The following PHKB variants were observed in gnomAD, a reference collection of about 807,000 sequenced individuals.
The protein encoded by PHKB is phosphorylase b kinase regulatory subunit beta.
A neutral mutation model predicts 152.1 loss-of-function variants in PHKB; 122 were observed. That is an observed-to-expected ratio of 0.80 (90% CI 0.69 to 0.93). The LOEUF is 0.93. Ranked by LOEUF, PHKB falls within the 40% of genes least tolerant of loss-of-function variation. The pLI is 0.00. For missense variants in PHKB, 1,304 were observed against 1,328.4 expected (o/e 0.98, Z 0.29); for synonymous variants, 436 against 464.9 (o/e 0.94, Z 0.80).
chr16:47,523,513 C>G (rs1015387460), intron 6 of PHKB, among the ~76,000 whole-genome samples: 1 of 152,194 alleles, frequency 6.6e-6, no homozygotes, highest in South Asian at 2.1e-4. Context: ...CTTGAAAGCT[C>G]TCATAGGAAG....
At chr16:47,630,185 A>G (rs925582473) in intron 14 of PHKB, among the ~76,000 whole-genome samples, 8 of 152,094 alleles carry the variant, frequency 5.3e-5, no homozygotes, top group Non-Finnish European at 8.8e-5. Flanking sequence ...AAAAAAAAGA[A>G]CTAAAGAATT....
At chr16:47,527,094 T>G (rs1420843243) in intron 6 of PHKB, among the ~76,000 whole-genome samples, 1 of 152,090 alleles carries the variant, frequency 6.6e-6, no homozygotes, top group Non-Finnish European at 1.5e-5. Flanking sequence ...GCTAAACCAT[T>G]TATAAGAAAT....
At chr16:47,552,826 C>T (rs1208578212) in intron 7 of PHKB, among the ~76,000 whole-genome samples, 1 of 151,838 alleles carries the variant, frequency 6.6e-6, no homozygotes, top group Non-Finnish European at 1.5e-5. Context: ...CACACACACA[C>T]ACACACCAAA....
At chr16:47,466,571 G>A (rs1159751000) in intron 1 of PHKB, among the ~76,000 whole-genome samples, 1 of 152,114 alleles carries the variant, frequency 6.6e-6, no homozygotes, top group Non-Finnish European at 1.5e-5. Flanking sequence ...GGCTCCCTAA[G>A]TTTATCAGCC....
At chr16:47,464,287 T>C in intron 1 of PHKB, 1 of 406,324 alleles carries the variant, frequency 2.5e-6, no homozygotes, top group Non-Finnish European at 4.5e-6. Flanking sequence ...GCACATAGCA[T>C]ATTTCTTAAA....
intron 1 of PHKB, among the ~76,000 whole-genome samples, chr16:47,466,584 C>G (rs1361777949): frequency 6.6e-6 from 1 of 152,140 alleles, no homozygotes; most frequent in Non-Finnish European, 1.5e-5. Context: ...TATCAGCCAG[C>G]TGGTAAGTGA....
At chr16:47,623,850 G>A (rs187149873) in intron 14 of PHKB, among the ~76,000 whole-genome samples, 1 of 152,152 alleles carries the variant, frequency 6.6e-6, no homozygotes, top group Admixed American at 6.5e-5. Context: ...GAGCCACCTC[G>A]CCCAGCCTGA....
intron 14 of PHKB, among the ~76,000 whole-genome samples, chr16:47,632,832 C>G (rs1972850525): frequency 6.6e-6 from 1 of 152,164 alleles, no homozygotes; most frequent in Non-Finnish European, 1.5e-5. Flanking sequence ...AATATCCTGG[C>G]TTTACTACTT....
chr16:47,513,746 C>G lies in PHKB; in HGVS notation c.514-1775C>G, dbSNP rs979063373. Among the ~76,000 whole-genome samples the G allele has an allele frequency of 7.2e-5, 11 of 152,294 alleles. No homozygotes were observed. The East Asian group carries it at 1.9e-3, about 27-fold the overall frequency. ...TTAGAATTCTATGGAAACAAAATTA[C>G]ATCTTGCTTTCTCTTTGTTTTTAAC... On this transcript the variant is annotated intron_variant, in intron 5 of 30. Transcript: ENST00000323584.
At chr16:47,471,446 AGACTGGAAGGT>A (rs1435896356) in intron 1 of PHKB, among the ~76,000 whole-genome samples, 2 of 152,196 alleles carry the variant, frequency 1.3e-5, no homozygotes, top group Non-Finnish European at 2.9e-5. Flanking sequence ...ATGTAAAAAT[AGACTGGAAGGT>A]GACAAAAAGG....
intron 14 of PHKB, among the ~76,000 whole-genome samples, chr16:47,629,408 A>C (rs1972779058): frequency 6.6e-6 from 1 of 152,066 alleles, no homozygotes; most frequent in Non-Finnish European, 1.5e-5. Flanking sequence ...ATGCAGCCAA[A>C]AAACACATGA....
chr16:47,635,338 AC>A (rs1480641392), intron 14 of PHKB, among the ~76,000 whole-genome samples: 1 of 152,128 alleles, frequency 6.6e-6, no homozygotes, highest in Non-Finnish European at 1.5e-5. Flanking sequence ...AATTATAGTA[AC>A]CTACCTAATA....
intron 25 of PHKB, chr16:47,666,024 G>A (rs747522216): frequency 6.2e-7 from 1 of 1,608,292 alleles, no homozygotes; most frequent in African/African-American, 1.3e-5. Context: ...TTTAGTGCAG[G>A]GCAAACAGGT....
chr16:47,569,242 G>A lies in PHKB; in HGVS notation c.711-11053G>A, dbSNP rs948923724. On this transcript the variant is annotated intron_variant, in intron 7 of 30. Coordinates refer to ENST00000323584, the MANE Select transcript of PHKB (RefSeq NM_000293.3). Reference sequence around the variant, plus strand: ...GTATTTAGAATTATTATATCTTCTTGTTGAATTGTTCTGTTATAATATAAT... The same window carrying A: ...GTATTTAGAATTATTATATCTTCTTATTGAATTGTTCTGTTATAATATAAT... Among the ~76,000 whole-genome samples, 2 of 152,110 alleles carry A rather than the reference G, an allele frequency of 1.3e-5. 1 individual carries two copies. The highest frequency in any genetic ancestry group is 2.9e-5 in the Non-Finnish European group (2 of 67,988).
At chr16:47,662,129 TCTC>T (rs367726625) in intron 23 of PHKB, among the ~76,000 whole-genome samples, 66 of 152,358 alleles carry the variant, frequency 4.3e-4, no homozygotes, top group African/African-American at 1.5e-3. Context: ...AGTTTTATCT[TCTC>T]TAATTTTTCA....
At chr16:47,648,151 A>G (rs1973167890) in intron 16 of PHKB, among the ~76,000 whole-genome samples, 1 of 152,200 alleles carries the variant, frequency 6.6e-6, no homozygotes, top group Non-Finnish European at 1.5e-5. Context: ...AAATACTTAA[A>G]GGTGGAAATT....
intron 7 of PHKB, chr16:47,561,772 T>C (rs1304552593): frequency 6.6e-6 from 1 of 152,200 alleles, no homozygotes; most frequent in African/African-American, 2.4e-5. Flanking sequence ...TGGATGAAAA[T>C]ATACTTCCTT....
At chr16:47,511,819 G>C (rs927662204) in intron 5 of PHKB, 47 bp downstream of exon 5, 2 of 1,242,122 alleles carry the variant, frequency 1.6e-6, no homozygotes, top group Non-Finnish European at 2.4e-6. Flanking sequence ...ATATAGCATA[G>C]AACAGTGATC....
At chr16:47,462,261 T>C (rs985229403) in intron 1 of PHKB, 4 of 152,234 alleles carry the variant, frequency 2.6e-5, no homozygotes, top group African/African-American at 9.6e-5. Context: ...TTTTAAAGAA[T>C]TGATGAAGTG....
Sources: allele counts gnomAD v4.1 joint callset (sites outside exome capture counted in the v4.1 genomes callset), GRCh38; gene constraint gnomAD v4.1.1; transcripts MANE v1.5; gene names NCBI Gene and HGNC (gene_info 2026-07-23, HGNC 2026-07-21).